The following METTL25 variants were observed in gnomAD, a reference collection of about 807,000 sequenced individuals.
METTL25 encodes the protein methyltransferase like 25.
METTL25 carries 64 observed loss-of-function variants against 71.6 expected under a neutral mutation model. That is an observed-to-expected ratio of 0.89 (90% CI 0.73 to 1.10). METTL25 has a LOEUF of 1.10. Ranked by LOEUF, METTL25 falls within the 50% of genes least tolerant of loss-of-function variation. The pLI is 0.00. For synonymous variants in METTL25, 287 were observed against 250.3 expected (o/e 1.15, Z -1.38); for missense variants, 807 against 707.0 (o/e 1.14, Z -1.60).
In METTL25 at chr12:82,477,258, CCTAT is replaced by C. The variant is rs776204401; in HGVS notation, c.1648-19_1648-16del. ...TTTTTTTTTAAGTACCACCAACCTACCTATCTAATTTTTTTATTTTAGTTGAAAG... is the reference window on the plus strand; with the variant it reads ...TTTTTTTTTAAGTACCACCAACCTACCTAATTTTTTTATTTTAGTTGAAAG... On this transcript the variant is annotated intron_variant, in intron 10 of 11. Transcript: ENST00000248306. 7 of 1,173,984 alleles carry C rather than the reference CCTAT, an allele frequency of 6.0e-6. No individual in the cohort carries two copies. The highest frequency in any genetic ancestry group is 2.0e-4 in the Middle Eastern group (1 of 5,036). 72.7% of individuals were successfully genotyped at this position (1,173,984 alleles called of 1,614,324 possible).
chr12:82,414,370 G>A (rs74106523), intron 5 of METTL25, among the ~76,000 whole-genome samples: 4 of 152,280 alleles, frequency 2.6e-5, no homozygotes, highest in East Asian at 1.9e-4. Flanking sequence ...GAATACTGGC[G>A]CTGATTTTAT....
intron 3 of METTL25, among the ~76,000 whole-genome samples, chr12:82,397,043 G>T (rs1886144804): frequency 6.6e-6 from 1 of 151,984 alleles, no homozygotes; most frequent in African/African-American, 2.4e-5. Flanking sequence ...CTACTATTCA[G>T]AGTAAGACTT....
intron 10 of METTL25, among the ~76,000 whole-genome samples, 189 bp from the exon 11 acceptor site, chr12:82,477,092 C>A (rs1479120040): frequency 6.6e-6 from 1 of 151,758 alleles, no homozygotes; most frequent in Non-Finnish European, 1.5e-5. Context: ...AAAGGACATT[C>A]TTTTCCTATT....
chr12:82,420,859 T>C (rs2137099670), intron 5 of METTL25, among the ~76,000 whole-genome samples: 1 of 152,066 alleles, frequency 6.6e-6, no homozygotes, highest in East Asian at 1.9e-4. Flanking sequence ...TTTGATTTTT[T>C]TTTTTCTCTT....
intron 8 of METTL25, among the ~76,000 whole-genome samples, chr12:82,442,548 A>G (rs1451026533): frequency 6.6e-6 from 1 of 152,174 alleles, no homozygotes; most frequent in Non-Finnish European, 1.5e-5. Flanking sequence ...ATGACAAGGT[A>G]TTAGTGGTTG....
chr12:82,422,048 G>C (rs1221415103), intron 5 of METTL25, among the ~76,000 whole-genome samples: 1 of 152,126 alleles, frequency 6.6e-6, no homozygotes, highest in African/African-American at 2.4e-5. Flanking sequence ...CTCATTTTAT[G>C]AGGCCAGCAT....
intron 1 of METTL25, among the ~76,000 whole-genome samples, chr12:82,366,063 C>T (rs1040719291): frequency 6.6e-5 from 10 of 151,894 alleles, no homozygotes; most frequent in African/African-American, 2.2e-4. Flanking sequence ...GCTTGGACAA[C>T]AGAGTGAGAT....
chr12:82,386,031 A>G (rs1884955067), intron 1 of METTL25, among the ~76,000 whole-genome samples: 1 of 152,154 alleles, frequency 6.6e-6, no homozygotes, highest in African/African-American at 2.4e-5. Flanking sequence ...ACAGTTTATC[A>G]TTCTAGTCTA....
chr12:82,367,410 T>C (rs951211185), intron 1 of METTL25, among the ~76,000 whole-genome samples: 1 of 152,252 alleles, frequency 6.6e-6, no homozygotes, highest in African/African-American at 2.4e-5. Context: ...TTCTGGAGTC[T>C]GTATTTATTT....
intron 1 of METTL25, among the ~76,000 whole-genome samples, chr12:82,384,102 G>T (rs969267065): frequency 6.6e-6 from 1 of 152,116 alleles, no homozygotes; most frequent in Non-Finnish European, 1.5e-5. Context: ...CCAGTAGAGG[G>T]AGATGTAGGC....
intron 1 of METTL25, among the ~76,000 whole-genome samples, chr12:82,371,176 G>A (rs1883193105): frequency 6.6e-6 from 1 of 152,228 alleles, no homozygotes; most frequent in South Asian, 2.1e-4. Context: ...CAGGAGATTA[G>A]CACTGAGAAG....
intron 9 of METTL25, among the ~76,000 whole-genome samples, chr12:82,465,867 C>A (rs1174430974): frequency 6.6e-6 from 1 of 151,702 alleles, no homozygotes; most frequent in Non-Finnish European, 1.5e-5. Flanking sequence ...ATTTGCACTG[C>A]ATTTTCTAAT....
At chr12:82,410,142 G>A (rs571134854) in intron 5 of METTL25, among the ~76,000 whole-genome samples, 52 of 151,908 alleles carry the variant, frequency 3.4e-4, no homozygotes, top group South Asian at 2.5e-3. Context: ...ATAACATACT[G>A]TTTAAGCTTA....
At chr12:82,422,163 C>A (rs1888573361) in intron 5 of METTL25, among the ~76,000 whole-genome samples, 2 of 152,146 alleles carry the variant, frequency 1.3e-5, no homozygotes, top group Admixed American at 1.3e-4. Flanking sequence ...ATACTGGCAA[C>A]CCGAATCCAG....
At chr12:82,366,009 G>A (rs1882526619) in intron 1 of METTL25, among the ~76,000 whole-genome samples, 1 of 152,034 alleles carries the variant, frequency 6.6e-6, no homozygotes, top group Non-Finnish European at 1.5e-5. Flanking sequence ...GTGAACCCAG[G>A]AGGCAGAGCT....
intron 9 of METTL25, among the ~76,000 whole-genome samples, chr12:82,460,578 TC>T (rs557740180): frequency 1.4e-4 from 21 of 152,140 alleles, no homozygotes; most frequent in Non-Finnish European, 2.5e-4. Context: ...CAAAAGCCTA[TC>T]CCCACTCTAT....
intron 6 of METTL25, among the ~76,000 whole-genome samples, chr12:82,432,756 A>G (rs1007304385): frequency 1.3e-5 from 2 of 151,252 alleles, no homozygotes; most frequent in Non-Finnish European, 3.0e-5. Context: ...ATTCCAAAGT[A>G]ATGTTGGAAA....
At chr12:82,438,572 C>A in intron 7 of METTL25, 146 bp from the exon 8 acceptor site, 4 of 299,934 alleles carry the variant, frequency 1.3e-5, no homozygotes, top group Non-Finnish European at 1.8e-5. Context: ...GTAACACTTT[C>A]GCTCGTAATG....
chr12:82,438,175 C>T (rs894211658), intron 7 of METTL25, among the ~76,000 whole-genome samples: 37 of 151,620 alleles, frequency 2.4e-4, no homozygotes, highest in African/African-American at 8.5e-4. Flanking sequence ...ATCTCTTATC[C>T]TATGTTCTTT....
Sources: gnomAD v4.1 joint callset for allele counts (sites outside exome capture counted in the v4.1 genomes callset) on GRCh38, gnomAD v4.1.1 for gene constraint, MANE v1.5 for transcripts, NCBI Gene and HGNC (gene_info 2026-07-23, HGNC 2026-07-21) for gene names.